TASP1: variants seen among roughly 807,000 people sequenced by gnomAD.
The protein encoded by TASP1 is threonine aspartase 1.
A neutral mutation model predicts 56.6 loss-of-function variants in TASP1; 16 were observed. That is an observed-to-expected ratio of 0.28 (90% CI 0.19 to 0.43). TASP1 has a LOEUF of 0.43. TASP1 is among the 20% of genes least tolerant of loss of function. The pLI is 1.00. For synonymous variants in TASP1, 179 were observed against 184.2 expected, an observed-to-expected ratio of 0.97 and a Z score of 0.23; for missense variants, 393 against 511.6, an observed-to-expected ratio of 0.77 and a Z score of 2.24.
the TASP1 span, among the ~76,000 whole-genome samples, chr20:13,215,599 T>C: frequency 6.6e-6 from 1 of 152,216 alleles, no homozygotes; most frequent in African/African-American, 2.4e-5. Context: ...GGGAGAATCA[T>C]CAGGAATGCT....
At chr20:13,539,946 A>C (rs1335543889) in intron 8 of TASP1, among the ~76,000 whole-genome samples, 2 of 128,256 alleles carry the variant, frequency 1.6e-5, no homozygotes, top group African/African-American at 2.7e-5. Context: ...GAGTGTGTGT[A>C]AGTGATGGTA....
intron 11 of TASP1, among the ~76,000 whole-genome samples, chr20:13,464,548 C>T (rs1443425734): frequency 1.3e-5 from 2 of 152,132 alleles, no homozygotes; most frequent in Admixed American, 1.3e-4. Context: ...GTAGTATATA[C>T]ATGCAATAAG....
chr20:13,118,917 G>T, the TASP1 span, among the ~76,000 whole-genome samples: 1 of 152,214 alleles, frequency 6.6e-6, no homozygotes, highest in East Asian at 1.9e-4. Context: ...GTTTTAAGTG[G>T]CCTTTACCCT....
chr20:13,402,205 CTT>C (rs2041763390), intron 13 of TASP1, among the ~76,000 whole-genome samples: 1 of 152,128 alleles, frequency 6.6e-6, no homozygotes, highest in African/African-American at 2.4e-5. Flanking sequence ...CTATTTATTG[CTT>C]TGGAGCAATG....
intron 4 of TASP1, among the ~76,000 whole-genome samples, chr20:13,609,859 T>C (rs2048290858): frequency 6.6e-6 from 1 of 152,148 alleles, no homozygotes; most frequent in Admixed American, 6.5e-5. Context: ...AACCCATATG[T>C]CCATCAATGA....
the TASP1 span, among the ~76,000 whole-genome samples, chr20:13,319,222 GA>G: frequency 1.9e-3 from 275 of 144,388 alleles, 1 homozygote; most frequent in Admixed American, 0.011. Flanking sequence ...TTAGGTAGAA[GA>G]AAAAAAAAAA....
Position 13,550,147 on chromosome 20 carries a change from TACACACACACACACACACACACAC to T in TASP1, c.675+8837_675+8860del, listed in dbSNP as rs149572327. Among the ~76,000 whole-genome samples, 3 of 135,304 alleles carry T rather than the reference TACACACACACACACACACACACAC, an allele frequency of 2.2e-5. No homozygotes were observed. The Admixed American group carries it at 2.3e-4, about 10-fold the overall frequency. 88.8% of individuals were successfully genotyped at this position (135,304 alleles called of 152,430 possible). The stretch of plus-strand genomic sequence containing the variant: ...TTCCTAAATATGGAATATATACACA[TACACACACACACACACACACACAC>T]ACACACACACACACAGAGACACTGC... On this transcript the variant is annotated intron_variant, in intron 8 of 13. Transcript: ENST00000337743.
chr20:13,500,772 T>C (rs1052508385), intron 10 of TASP1, among the ~76,000 whole-genome samples: 1 of 151,982 alleles, frequency 6.6e-6, no homozygotes, highest in East Asian at 1.9e-4. Context: ...CCAATGTCTG[T>C]AGAACAATAT....
chr20:13,262,466 T>G, the TASP1 span, among the ~76,000 whole-genome samples: 1 of 140,804 alleles, frequency 7.1e-6, no homozygotes, highest in Non-Finnish European at 1.6e-5. Flanking sequence ...TTTCTTTTTC[T>G]TTTTTTTTTT....
At chr20:13,261,867 G>A in the TASP1 span, among the ~76,000 whole-genome samples, 2 of 152,308 alleles carry the variant, frequency 1.3e-5, no homozygotes, top group South Asian at 2.1e-4. Context: ...ATGTCCTTTG[G>A]CTTAATTTCC....
At chr20:13,452,375 T>C (rs1407064518) in intron 11 of TASP1, among the ~76,000 whole-genome samples, 1 of 151,016 alleles carries the variant, frequency 6.6e-6, no homozygotes, top group Non-Finnish European at 1.5e-5. Flanking sequence ...ACCTGCTCTG[T>C]ACTCAATGCT....
chr20:13,392,618 C>T (rs1164513961), intron 13 of TASP1: 5 of 383,450 alleles, frequency 1.3e-5, no homozygotes, highest in Non-Finnish European at 2.5e-5. Flanking sequence ...CTTAAGGCAC[C>T]CTGCTCCTGC....
chr20:13,117,569 C>T, the TASP1 span: 2 of 1,613,812 alleles, frequency 1.2e-6, no homozygotes, highest in South Asian at 2.2e-5. Context: ...ACAAGGCTTA[C>T]CTCTACATAG....
the TASP1 span, among the ~76,000 whole-genome samples, chr20:13,317,437 T>C: frequency 6.6e-6 from 1 of 152,008 alleles, no homozygotes. Context: ...TATCAATAAA[T>C]TGGTTCTAAA....
At chr20:13,401,914 G>A (rs2041752414) in intron 13 of TASP1, among the ~76,000 whole-genome samples, 1 of 152,216 alleles carries the variant, frequency 6.6e-6, no homozygotes, top group South Asian at 2.1e-4. Flanking sequence ...GATATTCTAA[G>A]TTAGGTTCAC....
the TASP1 span, chr20:13,239,728 T>A: frequency 6.6e-6 from 1 of 152,234 alleles, no homozygotes; most frequent in Non-Finnish European, 1.5e-5. Context: ...AATTCTAGAA[T>A]GTTGTTGTAG....
chr20:13,526,674 T>C (rs1423434676), intron 10 of TASP1, among the ~76,000 whole-genome samples: 7 of 152,114 alleles, frequency 4.6e-5, no homozygotes, highest in African/African-American at 1.7e-4. Flanking sequence ...TTTCCACTGA[T>C]GCAAGAAATG....
At chr20:13,559,680 C>A (rs1312277194) in intron 7 of TASP1, among the ~76,000 whole-genome samples, 1 of 152,086 alleles carries the variant, frequency 6.6e-6, no homozygotes, top group African/African-American at 2.4e-5. Flanking sequence ...TTTAGATAGA[C>A]CTCGAGTAGA....
At chr20:13,151,981 C>G in the TASP1 span, among the ~76,000 whole-genome samples, 3 of 151,698 alleles carry the variant, frequency 2.0e-5, no homozygotes, top group Non-Finnish European at 4.4e-5. Context: ...TCAACTGCCT[C>G]TACTAAAAAA....
Sources: gnomAD v4.1 joint callset for allele counts (sites outside exome capture counted in the v4.1 genomes callset) on GRCh38, gnomAD v4.1.1 for gene constraint, MANE v1.5 for transcripts, NCBI Gene and HGNC (gene_info 2026-07-23, HGNC 2026-07-21) for gene names.